The following PNLIPRP1 variants were observed in gnomAD, a reference collection of about 807,000 sequenced individuals.
PNLIPRP1 encodes the protein inactive pancreatic lipase-related protein 1.
Under a neutral mutation model 54.6 loss-of-function variants are expected in PNLIPRP1, and 57 were observed. The observed-to-expected ratio is 1.04, with a 90% CI of 0.84 to 1.30. PNLIPRP1 has a LOEUF of 1.30. Among genes scored for constraint, PNLIPRP1 ranks in the 50% most tolerant of loss-of-function variants. The pLI is 0.00. For missense variants in PNLIPRP1, 567 were observed against 568.5 expected, an observed-to-expected ratio of 1.00 and a Z score of 0.03; for synonymous variants, 232 against 208.8, an observed-to-expected ratio of 1.11 and a Z score of -0.96.
intron 8 of PNLIPRP1, 59 bp from the exon 9 acceptor site, chr10:116,599,988 C>A: frequency 1.9e-6 from 2 of 1,029,420 alleles, no homozygotes; most frequent in Non-Finnish European, 3.1e-6. Context: ...GAGAGAGAGG[C>A]AGAGAAGCTG....
Position 116,604,681 on chromosome 10 carries a change from CTTTT to C in PNLIPRP1, c.1172+564_1172+567del, listed in dbSNP as rs1234478269. Among the ~76,000 whole-genome samples, 327 of 94,130 alleles carry C rather than the reference CTTTT, an allele frequency of 3.5e-3. 2 individuals are homozygous for C. Among genetic ancestry groups the C allele is most frequent in the Admixed American group, 0.017 (134 of 7,834 alleles). 61.8% of individuals were successfully genotyped at this position (94,130 alleles called of 152,430 possible). ...CCTAGGCATTTCGTCCTTTCTCTCTCTTTTTTTTTTTTTTTTTTTTTTTTGAGAA... is the reference window on the plus strand; with the variant it reads ...CCTAGGCATTTCGTCCTTTCTCTCTCTTTTTTTTTTTTTTTTTTTTGAGAA... On this transcript the variant is annotated intron_variant, in intron 11 of 12. Transcript: ENST00000358834.
At chr10:116,603,664 G>A (rs530961586) in intron 10 of PNLIPRP1, among the ~76,000 whole-genome samples, 3 of 152,148 alleles carry the variant, frequency 2.0e-5, no homozygotes, top group African/African-American at 7.2e-5. Flanking sequence ...AGGCGGACAC[G>A]GGCGGATCAC....
chr10:116,602,765 A>G (rs1554864980), intron 10 of PNLIPRP1, among the ~76,000 whole-genome samples: 1 of 152,178 alleles, frequency 6.6e-6, no homozygotes, highest in African/African-American at 2.4e-5. Context: ...GTGTTTGTGT[A>G]TGTACCTTTG....
intron 11 of PNLIPRP1, among the ~76,000 whole-genome samples, chr10:116,605,010 GT>G (rs1226534900): frequency 3.9e-5 from 6 of 151,986 alleles, no homozygotes; most frequent in African/African-American, 1.4e-4. Flanking sequence ...CTTAATAGAT[GT>G]TTTTTTAAAC....
intron 10 of PNLIPRP1, 97 bp from the exon 11 acceptor site, chr10:116,603,933 T>C (rs981934908): frequency 4.3e-5 from 24 of 563,284 alleles, no homozygotes; most frequent in East Asian, 6.1e-5. Context: ...GAATTTCTTA[T>C]GCTTTGTTGC....
At position 116,592,338 on chromosome 10, in the gene PNLIPRP1, C is replaced by T. The variant is rs778448673; in HGVS notation, c.205-78C>T. 2.5e-5 allele frequency: 37 copies of T among 1,480,010 alleles called. No individual in the cohort carries two copies. In the East Asian group the frequency reaches 4.5e-4, roughly 18 times the overall value. 91.7% of individuals were successfully genotyped at this position (1,480,010 alleles called of 1,614,324 possible). The stretch of plus-strand genomic sequence containing the variant: ...AAGCTTTGAAAAGTAGAGGCATTGG[C>T]GCAGGCGGAGATGAGGAAGGAAAAA... On this transcript the variant is annotated intron_variant, in intron 3 of 12. Coordinates refer to ENST00000358834, the MANE Select transcript of PNLIPRP1 (RefSeq NM_006229.4).
chr10:116,604,681 C>CTTTTTTTTT (rs1234478269), intron 11 of PNLIPRP1, among the ~76,000 whole-genome samples: 2 of 94,126 alleles, frequency 2.1e-5, no homozygotes, highest in Non-Finnish European at 4.0e-5. Context: ...CTTTCTCTCT[C>CTTTTTTTTT]TTTTTTTTTT....
intron 8 of PNLIPRP1, among the ~76,000 whole-genome samples, chr10:116,598,403 A>T (rs1554864294): frequency 6.6e-6 from 1 of 152,236 alleles, no homozygotes; most frequent in African/African-American, 2.4e-5. Context: ...CAAGCAACAA[A>T]GAATTATAAA....
At position 116,592,496 on chromosome 10, in the gene PNLIPRP1, C is replaced by A; in HGVS notation, c.285C>A (p.Gly95=). 6.2e-7 allele frequency: 1 copy of A among 1,614,132 alleles called. No individual in the cohort carries two copies. The change falls in exon 4 of 13, where the codon GGC becomes GGA. Residue 95 remains glycine (G), a synonymous_variant. Coordinates refer to ENST00000358834, the MANE Select transcript of PNLIPRP1 (RefSeq NM_006229.4). ...GAAAGACCCGGTTCATCATCCATGG[C>A]TTCATAGACAAAGGAGATGAGAGCT... is the stretch of plus-strand genomic sequence containing the variant. ...MDRKTRFIIH[G]FIDKGDESWV...
At chr10:116,602,845 A>T (rs1454169733) in intron 10 of PNLIPRP1, among the ~76,000 whole-genome samples, 1 of 152,158 alleles carries the variant, frequency 6.6e-6, no homozygotes, top group East Asian at 1.9e-4. Context: ...GTGCATGTGT[A>T]TGTATATTTG....
At chr10:116,606,194 G>T (rs540984797) in intron 12 of PNLIPRP1, among the ~76,000 whole-genome samples, 1 of 152,176 alleles carries the variant, frequency 6.6e-6, no homozygotes, top group Non-Finnish European at 1.5e-5. Context: ...CTCAGCCACC[G>T]ATGTTCTTGA....
At chr10:116,597,693 G>A in intron 6 of PNLIPRP1, 135 bp from the exon 7 acceptor site, 2 of 970,896 alleles carry the variant, frequency 2.1e-6, no homozygotes, top group East Asian at 2.5e-5. Context: ...AGCACCCAAG[G>A]CCATGGCACT....
At chr10:116,596,073 C>A in intron 5 of PNLIPRP1, 141 bp from the exon 6 acceptor site, 1 of 667,086 alleles carries the variant, frequency 1.5e-6, no homozygotes, top group Non-Finnish European at 2.7e-6. Flanking sequence ...AGCTCGGAGG[C>A]CTTCAGAATG....
chr10:116,595,898 G>T (rs191547895), intron 5 of PNLIPRP1: 60 of 239,096 alleles, frequency 2.5e-4, no homozygotes, highest in Admixed American at 1.2e-3. Flanking sequence ...ACAGCTGAAG[G>T]CTAGTCTGTT....
intron 3 of PNLIPRP1, chr10:116,592,181 A>G (rs1201947717): frequency 5.1e-5 from 32 of 633,448 alleles, no homozygotes; most frequent in Admixed American, 1.2e-4. Context: ...TTACTGTCTA[A>G]CAAAAACCAC....
chr10:116,598,307 A>G (rs1301834518), intron 8 of PNLIPRP1, 141 bp downstream of exon 8: 26 of 860,876 alleles, frequency 3.0e-5, no homozygotes, highest in Non-Finnish European at 4.1e-5. Flanking sequence ...ATTTCAGAAA[A>G]AATGTAGCTA....
chr10:116,601,816 G>C (rs1286349642), intron 10 of PNLIPRP1, among the ~76,000 whole-genome samples: 1 of 152,210 alleles, frequency 6.6e-6, no homozygotes, highest in Non-Finnish European at 1.5e-5. Flanking sequence ...ACCCAGTAAA[G>C]ACAGAGGTTA....
chr10:116,604,397 A>G (rs529065651), intron 11 of PNLIPRP1, among the ~76,000 whole-genome samples: 1 of 152,274 alleles, frequency 6.6e-6, no homozygotes, highest in South Asian at 2.1e-4. Flanking sequence ...CCAGTTGTCT[A>G]CAGAACTCAA....
rs1554863333 is a variant in PNLIPRP1 at position 116,592,414 on chromosome 10, A to G, written c.205-2A>G. The G allele has an allele frequency of 6.3e-7, 1 of 1,598,672 alleles. No homozygotes were observed. Among genetic ancestry groups the G allele is most frequent in the Non-Finnish European group, 8.5e-7 (1 of 1,170,210 alleles). ...CATGAAGCACTTCTGCGTCTGTCAC[A>G]GATTCTCCTCCTCTCTGATCCATCA... On this transcript the variant is annotated splice_acceptor_variant, in intron 3 of 12. Coordinates refer to ENST00000358834, the MANE Select transcript of PNLIPRP1 (RefSeq NM_006229.4). LOFTEE classifies it high-confidence loss of function.
Sources: gnomAD v4.1 joint callset for allele counts (sites outside exome capture counted in the v4.1 genomes callset) on GRCh38, gnomAD v4.1.1 for gene constraint, MANE v1.5 for transcripts, NCBI Gene and HGNC (gene_info 2026-07-23, HGNC 2026-07-21) for gene names.